The following SMYD3 variants were observed in gnomAD, a reference collection of about 807,000 sequenced individuals.
SMYD3 encodes the protein SET and MYND domain containing 3, also known as histone-lysine N-methyltransferase SMYD3.
SMYD3 carries 36 observed loss-of-function variants against 57.7 expected under a neutral mutation model. That is an observed-to-expected ratio of 0.62 (90% CI 0.48 to 0.82). SMYD3 has a LOEUF of 0.82. Ranked by LOEUF, SMYD3 falls within the 40% of genes least tolerant of loss-of-function variation. The pLI is 0.00. For missense variants in SMYD3, 515 were observed against 538.8 expected (o/e 0.96, Z 0.44); for synonymous variants, 211 against 195.0 (o/e 1.08, Z -0.68).
At chr1:245,964,220 A>C (rs1185451733) in intron 5 of SMYD3, among the ~76,000 whole-genome samples, 1 of 152,112 alleles carries the variant, frequency 6.6e-6, no homozygotes, top group Non-Finnish European at 1.5e-5. Context: ...CCTGCTCATC[A>C]CCAAGGGGAA....
intron 10 of SMYD3, among the ~76,000 whole-genome samples, chr1:245,837,234 T>C (rs1330805494): frequency 7.2e-6 from 1 of 138,422 alleles, no homozygotes; most frequent in East Asian, 2.1e-4. Context: ...TGAGCCTCTG[T>C]CTCAAAAAAA....
At chr1:246,478,211 A>C (rs2068052488) in intron 1 of SMYD3, among the ~76,000 whole-genome samples, 1 of 152,264 alleles carries the variant, frequency 6.6e-6, no homozygotes, top group Non-Finnish European at 1.5e-5. Context: ...GAGTTTCTAC[A>C]ACTGATGCTT....
intron 1 of SMYD3, among the ~76,000 whole-genome samples, chr1:246,437,282 AAAAAGC>A (rs1458547661): frequency 6.6e-6 from 1 of 152,150 alleles, no homozygotes; most frequent in African/African-American, 2.4e-5. Context: ...GTTTTTGGAG[AAAAAGC>A]CTACAGGTGG....
At chr1:245,797,074 G>A (rs2791394) in intron 10 of SMYD3, among the ~76,000 whole-genome samples, 133,709 of 152,236 alleles carry the variant, frequency 0.88, 58,953 homozygotes, top group African/African-American at 0.94. Context: ...AAGTTTTCAA[G>A]AATAGTTACT....
At chr1:246,100,347 C>G (rs1225522354) in intron 5 of SMYD3, among the ~76,000 whole-genome samples, 1 of 152,222 alleles carries the variant, frequency 6.6e-6, no homozygotes, top group East Asian at 1.9e-4. Context: ...GAAAACATGT[C>G]AACTGTGACC....
In SMYD3 at chr1:245,854,025, T is replaced by G. The variant is rs775050246; in HGVS notation, c.1076+4471A>C. ...TCTTCATCATTCTTGTTCTTCTGCC[T>G]TTTTCCCAGGTACGTCACAAAAGTG... is the stretch of plus-strand genomic sequence containing the variant. On this transcript the variant is annotated intron_variant, in intron 10 of 11. Transcript: ENST00000490107. Among the ~76,000 whole-genome samples the G allele has an allele frequency of 5.9e-5, 9 of 152,288 alleles. No individual in the cohort carries two copies. The East Asian group carries it at 9.7e-4, about 16-fold the overall frequency.
chr1:245,878,129 G>C (rs1451564131), intron 8 of SMYD3, among the ~76,000 whole-genome samples: 1 of 152,172 alleles, frequency 6.6e-6, no homozygotes, highest in Non-Finnish European at 1.5e-5. Context: ...ACATCAGAGA[G>C]AGCGTGCTTT....
At chr1:245,876,437 C>T (rs185452446) in intron 8 of SMYD3, among the ~76,000 whole-genome samples, 3 of 152,302 alleles carry the variant, frequency 2.0e-5, no homozygotes, top group Admixed American at 6.5e-5. Flanking sequence ...TGGCCTTTGC[C>T]GCCTCAGCCA....
chr1:245,989,477 A>G (rs1019523947), intron 5 of SMYD3, among the ~76,000 whole-genome samples: 1 of 152,244 alleles, frequency 6.6e-6, no homozygotes, highest in African/African-American at 2.4e-5. Context: ...AAGTAGCACA[A>G]ATCCAGCTTG....
chr1:246,340,528 G>T (rs2148679887), intron 2 of SMYD3, among the ~76,000 whole-genome samples: 1 of 152,188 alleles, frequency 6.6e-6, no homozygotes, highest in South Asian at 2.1e-4. Flanking sequence ...ATAACATAGT[G>T]TCCCATTAAT....
At chr1:245,761,077 T>C (rs565503595) in intron 11 of SMYD3, among the ~76,000 whole-genome samples, 7 of 152,148 alleles carry the variant, frequency 4.6e-5, no homozygotes, top group Non-Finnish European at 1.0e-4. Flanking sequence ...CAGGAGTGCA[T>C]GTTTGCTCCT....
Position 246,507,243 on chromosome 1 carries a change from C to A in SMYD3, c.-26G>T. The A allele has an allele frequency of 1.4e-6, 2 of 1,477,272 alleles. No homozygotes were observed. The highest frequency in any genetic ancestry group is 1.3e-5 in the South Asian group (1 of 77,002). 91.5% of individuals were successfully genotyped at this position (1,477,272 alleles called of 1,614,324 possible). A position where few individuals can be genotyped will look rare whatever the true frequency, so the allele number is the denominator to read the frequency against. On this transcript the variant is annotated 5_prime_UTR_variant, in exon 1 of 12. Coordinates refer to ENST00000490107, the MANE Select transcript of SMYD3 (RefSeq NM_001167740.2). ...CCTCCCGCAGCTCCGGCACCTCAGA[C>A]GGCTACCCGCGTCCAGCAGCGGGCG...
chr1:246,384,223 G>T (rs1394191845), intron 1 of SMYD3, among the ~76,000 whole-genome samples: 1 of 152,112 alleles, frequency 6.6e-6, no homozygotes, highest in Non-Finnish European at 1.5e-5. Flanking sequence ...GCTAAATAAT[G>T]TGTTTCTTCA....
chr1:246,009,788 G>A (rs1019656457), intron 5 of SMYD3, among the ~76,000 whole-genome samples: 3 of 136,210 alleles, frequency 2.2e-5, no homozygotes, highest in African/African-American at 8.0e-5. Flanking sequence ...GGAATATGAC[G>A]TTGTCTCATG....
At chr1:246,107,084 G>A (rs1401348405) in intron 5 of SMYD3, among the ~76,000 whole-genome samples, 1 of 148,578 alleles carries the variant, frequency 6.7e-6, no homozygotes, top group African/African-American at 2.5e-5. Context: ...CGGATCACAA[G>A]GTCAGGAGAT....
intron 10 of SMYD3, among the ~76,000 whole-genome samples, chr1:245,854,132 T>C (rs4654137): frequency 0.55 from 83,480 of 152,076 alleles, 26,218 homozygotes; most frequent in Middle Eastern, 0.72. Context: ...TGGGCTTTGA[T>C]GAAAGAAGAG....
intron 5 of SMYD3, among the ~76,000 whole-genome samples, chr1:245,976,884 CCAGGGAAAGCCA>C (rs2058443443): frequency 3.6e-5 from 2 of 55,980 alleles, no homozygotes; most frequent in African/African-American, 1.0e-4. Context: ...CGTCTCCGGC[CCAGGGAAAGCCA>C]TCGTCTCTAG....
intron 5 of SMYD3, among the ~76,000 whole-genome samples, chr1:246,021,350 A>C (rs1056193388): frequency 2.6e-5 from 4 of 152,192 alleles, no homozygotes; most frequent in African/African-American, 9.7e-5. Context: ...AGAAAGACTT[A>C]GAGTTAATCT....
intron 5 of SMYD3, among the ~76,000 whole-genome samples, chr1:246,255,338 A>G (rs1259342255): frequency 6.6e-6 from 1 of 150,410 alleles, no homozygotes; most frequent in African/African-American, 2.4e-5. Context: ...AATTATTATT[A>G]TTATTATTTT....
Sources: allele counts gnomAD v4.1 joint callset (sites outside exome capture counted in the v4.1 genomes callset), GRCh38; gene constraint gnomAD v4.1.1; transcripts MANE v1.5; gene names NCBI Gene and HGNC (gene_info 2026-07-23, HGNC 2026-07-21).